Variants in PRR14L observed in about 807,000 individuals in gnomAD.
The protein encoded by PRR14L is proline rich 14 like, also known as protein PRR14L.
In PRR14L, 80 loss-of-function variants were observed where a neutral mutation model predicts 155.0. The ratio of observed to expected loss-of-function variants is 0.52; its 90% CI spans 0.43 to 0.62. PRR14L has a LOEUF of 0.62. PRR14L is among the 20% of genes least tolerant of loss of function. The pLI is 0.00. For synonymous variants in PRR14L, 883 were observed against 916.0 expected (o/e 0.96, Z 0.65); for missense variants, 2,469 against 2,548.0 (o/e 0.97, Z 0.67).
intron 6 of PRR14L, 36 bp downstream of exon 6, chr22:31,703,514 C>T (rs377093010): frequency 1.3e-6 from 2 of 1,588,528 alleles, no homozygotes; most frequent in African/African-American, 2.7e-5. Flanking sequence ...CCTCCAATGC[C>T]ACCATCATCT....
chr22:31,727,434 G>A (rs1467767133), intron 2 of PRR14L, among the ~76,000 whole-genome samples: 4 of 151,500 alleles, frequency 2.6e-5, no homozygotes, highest in Admixed American at 1.3e-4. Context: ...GGGTTTCACC[G>A]TTGTTGCTCA....
Position 31,688,155 on chromosome 22 carries a change from C to G in PRR14L, c.6179+1G>C. 1 of 1,605,140 alleles carries G rather than the reference C, an allele frequency of 6.2e-7. No individual in the cohort carries two copies. The highest frequency in any genetic ancestry group is 8.5e-7 in the Non-Finnish European group (1 of 1,176,060). On this transcript the variant is annotated splice_donor_variant, in intron 8 of 8. Coordinates refer to ENST00000327423, the MANE Select transcript of PRR14L (RefSeq NM_173566.3). LOFTEE classifies it high-confidence loss of function. ...TTTATTTCCCAGCTATAAGTACCTA[C>G]CTGTTTGCAGGAGGAGATTTATAAT...
In PRR14L at chr22:31,694,774, G is replaced by GA. The variant is rs550031425; in HGVS notation, c.6108-6548dup. On this transcript the variant is annotated intron_variant, in intron 7 of 8. Coordinates refer to ENST00000327423, the MANE Select transcript of PRR14L (RefSeq NM_173566.3). ...CTCAACAAAAACAAAAACAAAAACA[G>GA]AAAAAAAAAAAGAAAAAGAATACAA... is the stretch of plus-strand genomic sequence containing the variant. Among the ~76,000 whole-genome samples, 1,123 of 129,180 alleles carry GA rather than the reference G, an allele frequency of 8.7e-3. 8 individuals carry two copies. Among genetic ancestry groups the GA allele is most frequent in the Non-Finnish European group, 0.012 (694 of 60,330 alleles). 84.7% of individuals were successfully genotyped at this position (129,180 alleles called of 152,430 possible). A position where few individuals can be genotyped will look rare whatever the true frequency, so the allele number is the denominator to read the frequency against.
At chr22:31,698,106 C>T (rs1040066303) in intron 7 of PRR14L, among the ~76,000 whole-genome samples, 1 of 149,476 alleles carries the variant, frequency 6.7e-6, no homozygotes, top group Non-Finnish European at 1.5e-5. Context: ...CTCACTGCAA[C>T]CTCCACCTCC....
At position 31,738,663 on chromosome 22, in the gene PRR14L, C is replaced by G. The variant is rs948545001; in HGVS notation, c.198G>C (p.Glu66Asp). Residue 66 changes from glutamate to aspartate, a missense_variant, in exon 2 of 9, where the codon GAG becomes GAC. Around this residue, in one of 2 missense-constraint regions of PRR14L, gnomAD observed 2,363 missense variants for 2,371.6 expected, o/e 1.00. Coordinates refer to ENST00000327423, the MANE Select transcript of PRR14L (RefSeq NM_173566.3). ...LLSQNRALPL[E>D]LQRTHVESCC... Reference sequence around the variant, plus strand: ...AACTCTCCACATGAGTCCTCTGCAGCTCCAAGGGCAATGCCCTATTCTGAC... The same window carrying G: ...AACTCTCCACATGAGTCCTCTGCAGGTCCAAGGGCAATGCCCTATTCTGAC... 82 of 1,551,978 alleles carry G rather than the reference C, an allele frequency of 5.3e-5. No homozygotes were observed. The highest frequency in any genetic ancestry group is 2.7e-4 in the Admixed American group (14 of 50,986).
intron 7 of PRR14L, 114 bp from the exon 8 acceptor site, chr22:31,688,341 C>T (rs1449581472): frequency 2.3e-6 from 3 of 1,287,612 alleles, no homozygotes; most frequent in Non-Finnish European, 3.0e-6. Flanking sequence ...TAGCTCACTG[C>T]AGCCTTAAAC....
chr22:31,722,546 G>A (rs1381340140), intron 3 of PRR14L, among the ~76,000 whole-genome samples: 22 of 144,176 alleles, frequency 1.5e-4, no homozygotes, highest in Admixed American at 4.9e-4. Flanking sequence ...TTTTTGAGAC[G>A]GAGTCTTGCT....
intron 3 of PRR14L, among the ~76,000 whole-genome samples, chr22:31,724,049 G>T (rs948191535): frequency 6.6e-6 from 1 of 152,120 alleles, no homozygotes; most frequent in Non-Finnish European, 1.5e-5. Context: ...TCATAGGAGC[G>T]TGGACCCTAT....
rs2074660573 is a variant in PRR14L, at chr22:31,716,478, C to T, written c.1361G>A (p.Gly454Glu). The change falls in exon 4 of 9, where the codon GGG (glycine) becomes GAG (glutamate). Residue 454 changes from glycine to glutamate, a missense_variant. Physicochemically the swap from Gly to Glu is moderately conservative, Grantham distance 98. Around this residue, in one of 2 missense-constraint regions of PRR14L, gnomAD observed 2,363 missense variants for 2,371.6 expected, o/e 1.00. Coordinates refer to ENST00000327423, the MANE Select transcript of PRR14L (RefSeq NM_173566.3). ...ATTGGGCATTAAAGAACTAGAGTTC[C>T]CTGTATGGAGACTGTCTTGAATGCA... is the stretch of plus-strand genomic sequence containing the variant. ...NNCIQDSLHT[G>E]NSSSLMPNSF... is the part of the protein sequence containing the mutation. 6.5e-7 allele frequency: 1 copy of T among 1,549,996 alleles called. No individual in the cohort carries two copies. The highest frequency in any genetic ancestry group is 8.7e-7 in the Non-Finnish European group (1 of 1,146,350).
At chr22:31,733,904 CCA>C (rs201258835) in intron 2 of PRR14L, among the ~76,000 whole-genome samples, 24 of 149,904 alleles carry the variant, frequency 1.6e-4, no homozygotes, top group East Asian at 3.9e-4. Flanking sequence ...ACCACCACCA[CCA>C]CACACACACA....
At chr22:31,710,275 C>T (rs1038393698) in intron 4 of PRR14L, among the ~76,000 whole-genome samples, 5 of 152,104 alleles carry the variant, frequency 3.3e-5, no homozygotes, top group Admixed American at 6.6e-5. Flanking sequence ...CACAATGATT[C>T]TACATTAGAG....
At chr22:31,707,695 C>T (rs1376330856) in intron 4 of PRR14L, among the ~76,000 whole-genome samples, 1 of 151,938 alleles carries the variant, frequency 6.6e-6, no homozygotes, top group Admixed American at 6.6e-5. Flanking sequence ...GGAAGTAACA[C>T]AATTTAAAGC....
At chr22:31,709,285 C>T (rs1280059863) in intron 4 of PRR14L, among the ~76,000 whole-genome samples, 2 of 142,350 alleles carry the variant, frequency 1.4e-5, no homozygotes, top group Admixed American at 1.4e-4. Flanking sequence ...CAGAATCCCG[C>T]TCTGTTGCCC....
intron 2 of PRR14L, among the ~76,000 whole-genome samples, chr22:31,734,300 G>T (rs1276412622): frequency 1.3e-5 from 2 of 152,056 alleles, no homozygotes; most frequent in Admixed American, 6.6e-5. Context: ...ATTGGGTTTG[G>T]TTCTTCATTC....
intron 2 of PRR14L, among the ~76,000 whole-genome samples, chr22:31,734,163 G>C (rs139837228): frequency 3.4e-4 from 52 of 152,062 alleles, no homozygotes; most frequent in Admixed American, 1.2e-3. Context: ...AGTAAAGATG[G>C]GGTTTCACCA....
At chr22:31,726,423 G>A (rs897780076) in intron 2 of PRR14L, among the ~76,000 whole-genome samples, 3 of 151,786 alleles carry the variant, frequency 2.0e-5, no homozygotes, top group African/African-American at 7.3e-5. Context: ...GATCCACTGT[G>A]CCCGGCCTAA....
At position 31,682,393 on chromosome 22, in the gene PRR14L, CTA is replaced by C. The variant is rs2074459153; in HGVS notation, c.*3132_*3133del. The C allele has an allele frequency of 7.5e-6, 1 of 133,464 alleles. No individual in the cohort carries two copies. The highest frequency in any genetic ancestry group is 3.4e-5 in the African/African-American group (1 of 29,492). The allele number at this position is 133,464 out of a possible 1,614,324, so 8.3% of individuals were successfully genotyped here. On this transcript the variant is annotated 3_prime_UTR_variant, in exon 9 of 9. Transcript: ENST00000327423. ...CCTCAGGCTCCGAATAAGGCAAACG[CTA>C]CATGTCTTCACCGTACCTCCCTCAG...
In PRR14L at chr22:31,715,700, T is replaced by TA; in HGVS notation, c.2138dup (p.Asp715ArgfsTer7). 6.4e-7 allele frequency: 1 copy of TA among 1,552,320 alleles called. No homozygotes were observed. Among genetic ancestry groups the TA allele is most frequent in the Non-Finnish European group, 8.7e-7 (1 of 1,147,110 alleles). On this transcript the variant is annotated frameshift_variant, in exon 4 of 9. Coordinates refer to ENST00000327423, the MANE Select transcript of PRR14L (RefSeq NM_173566.3). LOFTEE classifies it high-confidence loss of function. ...GGTTACCTGGTGGAGAGATGTCTTT[T>TA]ATTTTTGTCTGAATGGGAATGGTTT...
intron 4 of PRR14L, among the ~76,000 whole-genome samples, chr22:31,705,874 A>G (rs993084615): frequency 1.3e-5 from 2 of 151,630 alleles, no homozygotes; most frequent in Non-Finnish European, 1.5e-5. Context: ...GGTGGTGGGT[A>G]CTTGTAATCC....
Sources: allele counts gnomAD v4.1 joint callset (sites outside exome capture counted in the v4.1 genomes callset), GRCh38; gene constraint gnomAD v4.1.1; regional missense constraint gnomAD v4.1.1; transcripts MANE v1.5; gene names NCBI Gene and HGNC (gene_info 2026-07-23, HGNC 2026-07-21).